VPS35: variants seen among roughly 807,000 people sequenced by gnomAD.
VPS35 encodes VPS35 retromer complex component.
Under a neutral mutation model 98.1 loss-of-function variants are expected in VPS35, and 21 were observed. The observed-to-expected ratio is 0.21, with a 90% confidence interval of 0.15 to 0.31. VPS35 has a LOEUF of 0.31. Among genes scored for constraint, VPS35 ranks in the 10% least tolerant of loss-of-function variants. VPS35 has a pLI of 1.00. For missense variants in VPS35, 554 were observed against 950.8 expected (o/e 0.58, Z 5.49); for synonymous variants, 268 against 318.2 (o/e 0.84, Z 1.68).
At position 46,659,607 on chromosome 16, in the gene VPS35, CTCTA is replaced by C. The variant is rs1413296370; in HGVS notation, c.*861_*864del. On this transcript the variant is annotated 3_prime_UTR_variant, in exon 17 of 17. Coordinates refer to ENST00000299138, the MANE Select transcript of VPS35 (RefSeq NM_018206.6). ...TGAATATATGAGAATGACTATTAAA[CTCTA>C]TAGCCATACTACTAGTACTTTTTAT... 6.6e-6 allele frequency: 1 copy of C among 152,080 alleles called. No homozygotes were observed. Among genetic ancestry groups the C allele is most frequent in the Non-Finnish European group, 1.5e-5 (1 of 68,006 alleles). The allele number at this position is 152,080 out of a possible 1,614,324, so 9.4% of individuals were successfully genotyped here. A position where few individuals can be genotyped will look rare whatever the true frequency, so the allele number is the denominator to read the frequency against.
Position 46,658,351 on chromosome 16 carries a change from G to A in VPS35, c.*2121C>T, listed in dbSNP as rs527341985. ...CAGCAGACTAACGTTCTTGAAGCTA[G>A]AGGCTATGATCTTCTTCACCTTTAG... On this transcript the variant is annotated 3_prime_UTR_variant, in exon 17 of 17. Transcript: ENST00000299138. 3 of 153,874 alleles carry A rather than the reference G, an allele frequency of 1.9e-5. No individual in the cohort carries two copies. In the South Asian group the frequency reaches 6.2e-4, roughly 32 times the overall value. The allele number at this position is 153,874 out of a possible 1,614,324, so 9.5% of individuals were successfully genotyped here.
At position 46,663,169 on chromosome 16, in the gene VPS35, C is replaced by G. The variant is rs1474307052; in HGVS notation, c.1648-7G>C. ...TCTTTTCCCATTTGTCATCCTAAAACAAGAAAAAACATTTTAAGTTACCTT... is the reference window on the plus strand; with the variant it reads ...TCTTTTCCCATTTGTCATCCTAAAAGAAGAAAAAACATTTTAAGTTACCTT... On this transcript the variant is annotated splice_polypyrimidine_tract_variant and splice_region_variant and intron_variant, in intron 13 of 16. Coordinates refer to ENST00000299138, the MANE Select transcript of VPS35 (RefSeq NM_018206.6). The G allele has an allele frequency of 6.2e-7, 1 of 1,611,718 alleles. No homozygotes were observed. The highest frequency in any genetic ancestry group is 8.5e-7 in the Non-Finnish European group (1 of 1,178,556).
chr16:46,676,336 A>G (rs778932230), intron 8 of VPS35, among the ~76,000 whole-genome samples: 1 of 152,202 alleles, frequency 6.6e-6, no homozygotes, highest in African/African-American at 2.4e-5. Context: ...TTAAATGTCA[A>G]TTAAGCACAC....
chr16:46,684,110 G>T (rs1405902689), intron 1 of VPS35, among the ~76,000 whole-genome samples: 2 of 152,200 alleles, frequency 1.3e-5, no homozygotes, highest in African/African-American at 4.8e-5. Flanking sequence ...AAGGAGAATA[G>T]TATGTGTACA....
Position 46,689,123 on chromosome 16 carries a change from G to A in VPS35, c.3+8C>T. 6.2e-7 allele frequency: 1 copy of A among 1,609,048 alleles called. No homozygotes were observed. Among genetic ancestry groups the A allele is most frequent in the Non-Finnish European group, 8.5e-7 (1 of 1,178,490 alleles). On this transcript the variant is annotated splice_region_variant and intron_variant, in intron 1 of 16. Coordinates refer to ENST00000299138, the MANE Select transcript of VPS35 (RefSeq NM_018206.6). ...CGACCCAGGTGCCACTGCCCCCTCA[G>A]CACTCACCATGGCGACTCCCCAGAG...
intron 10 of VPS35, chr16:46,674,030 A>C (rs757931789): frequency 2.4e-6 from 1 of 418,670 alleles, no homozygotes; most frequent in Non-Finnish European, 4.3e-6. Flanking sequence ...AGTGCAGCCC[A>C]GGGAAGCCAA....
chr16:46,667,482 T>C (rs1357883930), intron 13 of VPS35, among the ~76,000 whole-genome samples: 1 of 152,198 alleles, frequency 6.6e-6, no homozygotes, highest in Non-Finnish European at 1.5e-5. Context: ...TTTTTGCTTA[T>C]TTTTTGCTTA....
intron 13 of VPS35, among the ~76,000 whole-genome samples, chr16:46,665,432 A>G (rs1157497859): frequency 6.6e-6 from 1 of 152,164 alleles, no homozygotes; most frequent in Non-Finnish European, 1.5e-5. Flanking sequence ...CTCTGTCTCT[A>G]CAAAAAATAA....
rs527915941 is a variant in VPS35 at position 46,661,374 on chromosome 16, C to T, written c.2211+344G>A. On this transcript the variant is annotated intron_variant, in intron 16 of 16. Transcript: ENST00000299138. The surrounding 1 kb of genome is among the most constrained non-coding windows in gnomAD (Gnocchi z 4.3). ...GCTTCCAAGTAGCTGGGATTACAGG[C>T]GCCTGCCACCACGCCTAGCTAATTT... Among the ~76,000 whole-genome samples the T allele has an allele frequency of 1.1e-4, 17 of 152,146 alleles. No individual in the cohort carries two copies. The highest frequency in any genetic ancestry group is 2.6e-4 in the Admixed American group (4 of 15,286).
chr16:46,671,625 T>C (rs1168343421), intron 12 of VPS35, 80 bp downstream of exon 12: 1 of 1,578,208 alleles, frequency 6.3e-7, no homozygotes, highest in African/African-American at 1.3e-5. Flanking sequence ...GACCAGAAAG[T>C]GAATTAAACC....
In VPS35 at chr16:46,663,862, A is replaced by ATTTTTTTTTTTTTTTTTTTTTTTTTT. The variant is rs546485076; in HGVS notation, c.1648-726_1648-701dup. Among the ~76,000 whole-genome samples the ATTTTTTTTTTTTTTTTTTTTTTTTTT allele has an allele frequency of 1.4e-4, 4 of 28,684 alleles. 1 individual carries two copies. Among genetic ancestry groups the ATTTTTTTTTTTTTTTTTTTTTTTTTT allele is most frequent in the Non-Finnish European group, 1.8e-4 (3 of 16,858 alleles). 18.8% of individuals were successfully genotyped at this position (28,684 alleles called of 152,430 possible). ...AGGCTTGCATCACCACACCTGGCTAATTTTTTTTTTTTTTTTTTTTTTTTT... is the reference window on the plus strand; with the variant it reads ...AGGCTTGCATCACCACACCTGGCTAATTTTTTTTTTTTTTTTTTTTTTTTTTTTTTTTTTTTTTTTTTTTTTTTTTT... On this transcript the variant is annotated intron_variant, in intron 13 of 16. Coordinates refer to ENST00000299138, the MANE Select transcript of VPS35 (RefSeq NM_018206.6).
chr16:46,668,996 G>A lies in VPS35; in HGVS notation c.1581C>T (p.Phe527=). The A allele has an allele frequency of 6.2e-7, 1 of 1,614,160 alleles. No individual in the cohort carries two copies. The highest frequency in any genetic ancestry group is 8.5e-7 in the Non-Finnish European group (1 of 1,180,020). The change falls in exon 13 of 17, where the codon TTC becomes TTT. Residue 527 remains phenylalanine, a synonymous_variant. Coordinates refer to ENST00000299138, the MANE Select transcript of VPS35 (RefSeq NM_018206.6). Reference sequence around the variant, plus strand: ...CTGCAAATACCAAAGGTGGCAGTGTGAAGCGAATCCGCTGATTTCCACCAG... The same window carrying A: ...CTGCAAATACCAAAGGTGGCAGTGTAAAGCGAATCCGCTGATTTCCACCAG... ...FGAGGNQRIR[F]TLPPLVFAAY...
intron 1 of VPS35, among the ~76,000 whole-genome samples, chr16:46,685,046 C>T (rs1966290617): frequency 1.3e-5 from 2 of 152,180 alleles, no homozygotes. Context: ...TTAATGGGCA[C>T]TGGCTTTCTT....
chr16:46,686,251 C>CTA (rs1469108796), intron 1 of VPS35, among the ~76,000 whole-genome samples: 3 of 152,046 alleles, frequency 2.0e-5, no homozygotes, highest in African/African-American at 7.2e-5. Context: ...CATTATATAT[C>CTA]TATATATATA....
intron 12 of VPS35, among the ~76,000 whole-genome samples, chr16:46,671,469 C>T (rs1400037021): frequency 6.6e-6 from 1 of 151,942 alleles, no homozygotes; most frequent in East Asian, 1.9e-4. Context: ...CCCATGGATG[C>T]CATGAATCTT....
Position 46,660,686 on chromosome 16 carries a change from AC to A in VPS35, c.2212-36del, listed in dbSNP as rs1460107524. On this transcript the variant is annotated intron_variant, in intron 16 of 16. Coordinates refer to ENST00000299138, the MANE Select transcript of VPS35 (RefSeq NM_018206.6). ...AATATGTACAAATTCATGATCAAGC[AC>A]GTACCACAAAAAATGAAAGGCAATT... 5 of 1,592,678 alleles carry A rather than the reference AC, an allele frequency of 3.1e-6. No homozygotes were observed. The African/African-American group carries it at 6.7e-5, about 21-fold the overall frequency.
intron 2 of VPS35, 33 bp downstream of exon 2, chr16:46,683,475 C>T (rs192115886): frequency 2.1e-4 from 339 of 1,596,068 alleles, no homozygotes; most frequent in Non-Finnish European, 2.8e-4. Context: ...AACACACGAA[C>T]TGCAACTGTG....
At chr16:46,663,249 A>T (rs1402489927) in intron 13 of VPS35, 87 bp from the exon 14 acceptor site, 3 of 1,225,542 alleles carry the variant, frequency 2.4e-6, no homozygotes, top group Non-Finnish European at 2.3e-6. Flanking sequence ...AAAATACTGT[A>T]AGTTGTGTGC....
chr16:46,666,548 G>GT (rs1965992955), intron 13 of VPS35, among the ~76,000 whole-genome samples: 1 of 151,990 alleles, frequency 6.6e-6, no homozygotes, highest in Non-Finnish European at 1.5e-5. Context: ...GATTACAGGC[G>GT]TGAGCCCCCA....
Sources: allele counts gnomAD v4.1 joint callset (sites outside exome capture counted in the v4.1 genomes callset), GRCh38; gene constraint gnomAD v4.1.1; non-coding constraint Gnocchi (gnomAD v3.1); transcripts MANE v1.5; gene names NCBI Gene and HGNC (gene_info 2026-07-23, HGNC 2026-07-21).